The following AP3B1 variants were observed in gnomAD, a reference collection of about 807,000 sequenced individuals.
AP3B1 encodes adaptor related protein complex 3 subunit beta 1, also known as AP-3 complex subunit beta-1.
A neutral mutation model predicts 132.5 loss-of-function variants in AP3B1; 61 were observed. That is an observed-to-expected ratio of 0.46 (90% CI 0.37 to 0.57). The LOEUF is 0.57. Ranked by LOEUF, AP3B1 falls within the 20% of genes least tolerant of loss-of-function variation. AP3B1 has a pLI of 0.00. For synonymous variants in AP3B1, 388 were observed against 438.3 expected (o/e 0.89, Z 1.43); for missense variants, 1,120 against 1,289.4 (o/e 0.87, Z 2.01).
intron 7 of AP3B1, among the ~76,000 whole-genome samples, chr5:78,209,597 C>T (rs530946832): frequency 2.3e-4 from 35 of 152,256 alleles, no homozygotes; most frequent in African/African-American, 8.4e-4. Flanking sequence ...TGTATAAAAG[C>T]AAGCTATAGC....
chr5:78,201,910 C>T (rs1236741232), intron 7 of AP3B1, among the ~76,000 whole-genome samples: 4 of 152,060 alleles, frequency 2.6e-5, no homozygotes, highest in Non-Finnish European at 4.4e-5. Flanking sequence ...GGAGGAGGAG[C>T]GATGCAAAAG....
chr5:78,255,250 T>G (rs765873810), intron 2 of AP3B1, among the ~76,000 whole-genome samples: 2 of 151,958 alleles, frequency 1.3e-5, no homozygotes, highest in Non-Finnish European at 2.9e-5. Context: ...TACTTATCAA[T>G]AATAACATTT....
chr5:78,209,812 T>C (rs1745659774), intron 7 of AP3B1, among the ~76,000 whole-genome samples: 2 of 152,350 alleles, frequency 1.3e-5, no homozygotes, highest in South Asian at 4.1e-4. Context: ...AGCCTTGTAG[T>C]ACTATTCATT....
intron 22 of AP3B1, among the ~76,000 whole-genome samples, chr5:78,046,939 T>C (rs1748360919): frequency 6.6e-6 from 1 of 151,940 alleles, no homozygotes; most frequent in South Asian, 2.1e-4. Context: ...CATTTATGAG[T>C]GAGAACATGC....
chr5:78,109,088 A>G (rs546151056), intron 20 of AP3B1, among the ~76,000 whole-genome samples: 8 of 152,296 alleles, frequency 5.3e-5, no homozygotes, highest in East Asian at 3.9e-4. Flanking sequence ...TCACTAAGTG[A>G]TAAGTTTTTA....
At chr5:78,175,599 G>A (rs1202679982) in intron 11 of AP3B1, 27 bp downstream of exon 11, 1 of 1,577,856 alleles carries the variant, frequency 6.3e-7, no homozygotes, top group Non-Finnish European at 8.7e-7. Flanking sequence ...TGTGTTAAAA[G>A]CCTCTGAAAA....
At position 78,134,824 on chromosome 5, in the gene AP3B1, T is replaced by C. The variant is rs181041871; in HGVS notation, c.1651-5517A>G. 3.1e-3 allele frequency among the ~76,000 whole-genome samples: 466 copies of C among 152,342 alleles called. 3 individuals carry two copies. The highest frequency in any genetic ancestry group is 0.02 in the Middle Eastern group (6 of 294). ...TCCCAAAGTGCTGGGATTACAGGCG[T>C]GAGCCACTGTGCCCAGCCCTAATTA... On this transcript the variant is annotated intron_variant, in intron 15 of 26. Transcript: ENST00000255194.
chr5:78,168,013 GAA>G (rs149936824), intron 11 of AP3B1, among the ~76,000 whole-genome samples: 1,417 of 110,792 alleles, frequency 0.013, 30 homozygotes, highest in African/African-American at 0.05. Flanking sequence ...AAAACCTACT[GAA>G]AAAAAAAAAA....
intron 21 of AP3B1, among the ~76,000 whole-genome samples, chr5:78,097,934 A>C (rs1580344264): frequency 6.6e-6 from 1 of 152,224 alleles, no homozygotes; most frequent in East Asian, 1.9e-4. Flanking sequence ...TTCTGTACTA[A>C]GAAAAATTCT....
chr5:78,038,295 T>C (rs1688744265), intron 23 of AP3B1, among the ~76,000 whole-genome samples: 1 of 152,214 alleles, frequency 6.6e-6, no homozygotes, highest in Non-Finnish European at 1.5e-5. Flanking sequence ...ACCAGTGATA[T>C]CCTCTAGGCT....
At chr5:78,069,412 A>G (rs1190095388) in intron 22 of AP3B1, among the ~76,000 whole-genome samples, 1 of 152,248 alleles carries the variant, frequency 6.6e-6, no homozygotes, top group Non-Finnish European at 1.5e-5. Flanking sequence ...GTCTCAGTAT[A>G]CAAAATCAAT....
At chr5:78,163,541 T>A (rs1397269571) in intron 12 of AP3B1, among the ~76,000 whole-genome samples, 2 of 151,368 alleles carry the variant, frequency 1.3e-5, no homozygotes, top group Admixed American at 1.3e-4. Context: ...ATAGATTTTC[T>A]TTAAAAGTAT....
chr5:78,137,535 C>A (rs977860932), intron 15 of AP3B1, among the ~76,000 whole-genome samples: 3 of 152,178 alleles, frequency 2.0e-5, no homozygotes, highest in Non-Finnish European at 2.9e-5. Context: ...ACAGTGCCAA[C>A]TGCAAACTGT....
chr5:78,036,694 A>G (rs1211413315), intron 23 of AP3B1, among the ~76,000 whole-genome samples: 1 of 152,036 alleles, frequency 6.6e-6, no homozygotes, highest in Non-Finnish European at 1.5e-5. Flanking sequence ...TGAAATCCAG[A>G]AAAAAAAGTC....
At chr5:78,204,766 C>T (rs906451767) in intron 7 of AP3B1, among the ~76,000 whole-genome samples, 11 of 152,190 alleles carry the variant, frequency 7.2e-5, no homozygotes, top group Non-Finnish European at 1.5e-4. Context: ...TCTGTTCCAT[C>T]CAGCCCCTGT....
At chr5:78,287,185 A>G (rs1362923971) in intron 1 of AP3B1, among the ~76,000 whole-genome samples, 1 of 152,176 alleles carries the variant, frequency 6.6e-6, no homozygotes. Flanking sequence ...TTTAAATAAC[A>G]TAAAATCTCA....
chr5:78,241,935 C>A (rs1203150005), intron 2 of AP3B1, among the ~76,000 whole-genome samples: 1 of 152,154 alleles, frequency 6.6e-6, no homozygotes, highest in Non-Finnish European at 1.5e-5. Context: ...AGAAGAGTAA[C>A]TAAGTCCTGC....
At chr5:78,149,389 T>C (rs1053767260) in intron 14 of AP3B1, among the ~76,000 whole-genome samples, 4 of 152,178 alleles carry the variant, frequency 2.6e-5, no homozygotes, top group Non-Finnish European at 5.9e-5. Context: ...AGTGTTGCTA[T>C]TAAAAATTAA....
intron 3 of AP3B1, among the ~76,000 whole-genome samples, chr5:78,239,111 G>A (rs1204541531): frequency 1.3e-5 from 2 of 151,876 alleles, no homozygotes; most frequent in Non-Finnish European, 2.9e-5. Context: ...AACCCAAAGA[G>A]TTATGCCTAA....
Sources: allele counts gnomAD v4.1 joint callset (sites outside exome capture counted in the v4.1 genomes callset), GRCh38; gene constraint gnomAD v4.1.1; transcripts MANE v1.5; gene names NCBI Gene and HGNC (gene_info 2026-07-23, HGNC 2026-07-21).